OSBPL8: variants seen among roughly 807,000 people sequenced by gnomAD.
OSBPL8 encodes the protein oxysterol binding protein like 8.
Under a neutral mutation model 125.5 loss-of-function variants are expected in OSBPL8, and 59 were observed. The ratio of observed to expected loss-of-function variants is 0.47; its 90% CI spans 0.38 to 0.58. OSBPL8 has a LOEUF of 0.58. Among genes scored for constraint, OSBPL8 ranks in the 20% least tolerant of loss-of-function variants. The pLI is 0.00. For synonymous variants in OSBPL8, 330 were observed against 338.9 expected (o/e 0.97, Z 0.29); for missense variants, 758 against 1,047.8 (o/e 0.72, Z 3.82).
chr12:76,355,979 C>T lies in OSBPL8; in HGVS notation c.2580G>A (p.Pro860=), dbSNP rs563418307. 50 of 1,612,832 alleles carry T rather than the reference C, an allele frequency of 3.1e-5. 1 individual carries two copies. Among genetic ancestry groups the T allele is most frequent in the East Asian group, 1.3e-4 (6 of 44,830 alleles). The change falls in exon 24 of 24, where the codon CCG becomes CCA. Residue 860 remains proline (P), a synonymous_variant. Coordinates refer to ENST00000261183, the MANE Select transcript of OSBPL8 (RefSeq NM_020841.5). ...TTTGTTGCAGAAAATAATCCGTGGC[C>T]GGTGTGCTTGAAACTAAATGATTTC... ...ALRNHLVSST[P]ATDYFLQQKD...
At position 76,541,290 on chromosome 12, in the gene OSBPL8, C is replaced by T. The variant is rs893930428; in HGVS notation, c.-68+18107G>A. On this transcript the variant is annotated intron_variant, in intron 1 of 23. Transcript: ENST00000261183. ...GGCCAGCAGTTTGAGACCAGCCTGG[C>T]CAATACTGTGAACCCCATCTCCACT... 3.3e-5 allele frequency among the ~76,000 whole-genome samples: 5 copies of T among 152,012 alleles called. 1 individual carries two copies. Among genetic ancestry groups the T allele is most frequent in the Admixed American group, 1.3e-4 (2 of 15,278 alleles).
At chr12:76,457,417 A>G (rs966623607) in intron 3 of OSBPL8, among the ~76,000 whole-genome samples, 14 of 152,174 alleles carry the variant, frequency 9.2e-5, no homozygotes, top group Admixed American at 3.3e-4. Flanking sequence ...ACCTACATAT[A>G]TTTTATGCAT....
At chr12:76,456,614 A>C (rs1874083027) in intron 3 of OSBPL8, among the ~76,000 whole-genome samples, 1 of 152,140 alleles carries the variant, frequency 6.6e-6, no homozygotes, top group Non-Finnish European at 1.5e-5. Context: ...AAAAAAAAAA[A>C]GTGCATTTAA....
chr12:76,454,592 A>T (rs1442030795), intron 3 of OSBPL8, among the ~76,000 whole-genome samples: 3 of 151,998 alleles, frequency 2.0e-5, no homozygotes, highest in African/African-American at 4.8e-5. Flanking sequence ...CATAGCAGGC[A>T]TCTGTAGTCC....
rs191002878 is a variant in OSBPL8, at chr12:76,358,599, C to T, written c.2434+107G>A. 290 of 965,856 alleles carry T rather than the reference C, an allele frequency of 3.0e-4. No homozygotes were observed. In the African/African-American group the frequency reaches 3.6e-3, roughly 12 times the overall value. The allele number at this position is 965,856 out of a possible 1,614,324, so 59.8% of individuals were successfully genotyped here. ...TTGCTTTTGTATCTCAACCCTGCCC[C>T]GACCAAAACTCACATAACTTGAGTT... On this transcript the variant is annotated intron_variant, in intron 22 of 23. Coordinates refer to ENST00000261183, the MANE Select transcript of OSBPL8 (RefSeq NM_020841.5).
Position 76,386,181 on chromosome 12 carries a change from TAA to T in OSBPL8, c.1518_1519del (p.Phe506LeufsTer4). 6.2e-7 allele frequency: 1 copy of T among 1,610,432 alleles called. No homozygotes were observed. The highest frequency in any genetic ancestry group is 8.5e-7 in the Non-Finnish European group (1 of 1,178,774). ...CATTTCTAATACCTGTTCAGCAATA[TAA>T]AAAGTTTTGCTGTTTGTTCTGGGAT... On this transcript the variant is annotated frameshift_variant, in exon 14 of 24. Coordinates refer to ENST00000261183, the MANE Select transcript of OSBPL8 (RefSeq NM_020841.5). LOFTEE classifies it high-confidence loss of function.
At chr12:76,486,509 T>C (rs377438548) in intron 2 of OSBPL8, among the ~76,000 whole-genome samples, 5 of 152,158 alleles carry the variant, frequency 3.3e-5, no homozygotes, top group African/African-American at 4.8e-5. Context: ...CAATATATAA[T>C]GGAGTCACTC....
chr12:76,397,394 A>G (rs917907010), intron 8 of OSBPL8, among the ~76,000 whole-genome samples: 2 of 151,922 alleles, frequency 1.3e-5, no homozygotes, highest in East Asian at 3.9e-4. Flanking sequence ...CAACAACAAT[A>G]AATATAATAC....
chr12:76,429,107 T>C (rs1458933091), intron 4 of OSBPL8, among the ~76,000 whole-genome samples: 1 of 152,024 alleles, frequency 6.6e-6, no homozygotes, highest in African/African-American at 2.4e-5. Flanking sequence ...CTGTAGATTC[T>C]CCATTATCAG....
chr12:76,372,325 C>A lies in OSBPL8; in HGVS notation c.1918-741G>T, dbSNP rs143425988. Among the ~76,000 whole-genome samples, 239 of 152,216 alleles carry A rather than the reference C, an allele frequency of 1.6e-3. 1 individual carries two copies. Among genetic ancestry groups the A allele is most frequent in the African/African-American group, 5.6e-3 (234 of 41,542 alleles). On this transcript the variant is annotated intron_variant, in intron 18 of 23. Coordinates refer to ENST00000261183, the MANE Select transcript of OSBPL8 (RefSeq NM_020841.5). Reference sequence around the variant, plus strand: ...GGCTCAAGCAATCTTCCTGCCTTAGCTTCCTGAGTAGCTGGGACAGGCATG... The same window carrying A: ...GGCTCAAGCAATCTTCCTGCCTTAGATTCCTGAGTAGCTGGGACAGGCATG...
chr12:76,374,044 C>T (rs999925793), intron 17 of OSBPL8, among the ~76,000 whole-genome samples: 1 of 152,064 alleles, frequency 6.6e-6, no homozygotes, highest in African/African-American at 2.4e-5. Context: ...CATCACCATA[C>T]AAGGAAAATT....
At chr12:76,495,689 T>C (rs1002646511) in intron 1 of OSBPL8, among the ~76,000 whole-genome samples, 2 of 152,192 alleles carry the variant, frequency 1.3e-5, no homozygotes, top group African/African-American at 2.4e-5. Flanking sequence ...CACTGAATGA[T>C]TTACATATTA....
intron 1 of OSBPL8, among the ~76,000 whole-genome samples, chr12:76,526,635 C>CTTTTTTTTTTTT (rs573409160): frequency 1.6e-4 from 10 of 64,262 alleles, no homozygotes; most frequent in African/African-American, 4.7e-4. Context: ...CAGTAAATCT[C>CTTTTTTTTTTTT]TTTTTTTTTT....
intron 2 of OSBPL8, among the ~76,000 whole-genome samples, chr12:76,482,678 T>C (rs994227756): frequency 1.3e-5 from 2 of 152,222 alleles, no homozygotes; most frequent in Non-Finnish European, 2.9e-5. Context: ...TTTTCTCTAA[T>C]CTACAAAGAT....
intron 4 of OSBPL8, among the ~76,000 whole-genome samples, chr12:76,432,162 A>G (rs1334649336): frequency 6.6e-6 from 1 of 152,250 alleles, no homozygotes; most frequent in Non-Finnish European, 1.5e-5. Flanking sequence ...AACAATCATT[A>G]GGTCAAAAAG....
intron 3 of OSBPL8, among the ~76,000 whole-genome samples, chr12:76,452,871 C>T (rs756607681): frequency 9.2e-5 from 14 of 152,262 alleles, no homozygotes; most frequent in Admixed American, 2.0e-4. Flanking sequence ...ATATTCCTAC[C>T]CCAGATCATC....
intron 1 of OSBPL8, among the ~76,000 whole-genome samples, chr12:76,544,835 G>A (rs2137450236): frequency 6.6e-6 from 1 of 150,560 alleles, no homozygotes; most frequent in East Asian, 1.9e-4. Context: ...CTTAAACACT[G>A]AGTCTAAAAA....
At chr12:76,357,328 C>G (rs1952023714) in intron 22 of OSBPL8, among the ~76,000 whole-genome samples, 1 of 152,122 alleles carries the variant, frequency 6.6e-6, no homozygotes, top group Admixed American at 6.5e-5. Context: ...ATTTAACATA[C>G]AGTCTGGCAC....
At position 76,352,517 on chromosome 12, in the gene OSBPL8, A is replaced by G. The variant is rs1388067082; in HGVS notation, c.*3372T>C. The stretch of plus-strand genomic sequence containing the variant: ...TATACATTTTAAAGAATCTCTTTCC[A>G]CTTAGTCAAATAAGATAGAAATTGA... On this transcript the variant is annotated 3_prime_UTR_variant, in exon 24 of 24. Coordinates refer to ENST00000261183, the MANE Select transcript of OSBPL8 (RefSeq NM_020841.5). 6.6e-6 allele frequency: 1 copy of G among 152,590 alleles called. No homozygotes were observed. The highest frequency in any genetic ancestry group is 1.5e-5 in the Non-Finnish European group (1 of 67,976). 9.5% of individuals were successfully genotyped at this position (152,590 alleles called of 1,614,324 possible).
Sources: gnomAD v4.1 joint callset for allele counts (sites outside exome capture counted in the v4.1 genomes callset) on GRCh38, gnomAD v4.1.1 for gene constraint, MANE v1.5 for transcripts, NCBI Gene and HGNC (gene_info 2026-07-23, HGNC 2026-07-21) for gene names.